The following ANKRD44 variants were observed in gnomAD, a reference collection of about 807,000 sequenced individuals.
ANKRD44 encodes the protein serine/threonine-protein phosphatase 6 regulatory ankyrin repeat subunit B.
Under a neutral mutation model 116.0 loss-of-function variants are expected in ANKRD44, and 35 were observed. The observed-to-expected ratio is 0.30, with a 90% CI of 0.23 to 0.40. The LOEUF is 0.40. Ranked by LOEUF, ANKRD44 falls within the 10% of genes least tolerant of loss-of-function variation. The pLI is 1.00. For synonymous variants in ANKRD44, 435 were observed against 461.8 expected, an observed-to-expected ratio of 0.94 and a Z score of 0.74; for missense variants, 1,014 against 1,242.6, an observed-to-expected ratio of 0.82 and a Z score of 2.77.
At chr2:197,099,427 G>T in intron 10 of ANKRD44, 1 of 756,220 alleles carries the variant, frequency 1.3e-6, no homozygotes, top group Non-Finnish European at 1.6e-6. Flanking sequence ...TGACTCAATT[G>T]TACTCTATAA....
At chr2:197,292,687 G>C (rs937930867) in intron 1 of ANKRD44, among the ~76,000 whole-genome samples, 1 of 152,164 alleles carries the variant, frequency 6.6e-6, no homozygotes, top group African/African-American at 2.4e-5. Context: ...GATAAAAAAT[G>C]TTGCCATGAG....
At chr2:197,006,420 G>A (rs1268995971) in intron 20 of ANKRD44, among the ~76,000 whole-genome samples, 1 of 152,154 alleles carries the variant, frequency 6.6e-6, no homozygotes, top group Non-Finnish European at 1.5e-5. Flanking sequence ...ACTACGGCCT[G>A]GGCGACAGAG....
intron 1 of ANKRD44, among the ~76,000 whole-genome samples, chr2:197,209,877 T>C (rs1472122024): frequency 6.6e-6 from 1 of 152,182 alleles, no homozygotes; most frequent in East Asian, 1.9e-4. Context: ...GGGTTTAGCC[T>C]AACAGGGAGT....
intron 1 of ANKRD44, among the ~76,000 whole-genome samples, chr2:197,188,961 G>T (rs561231503): frequency 6.6e-6 from 1 of 152,274 alleles, no homozygotes; most frequent in African/African-American, 2.4e-5. Context: ...CTTAGGAACT[G>T]GTGGCAAGCA....
rs550725662 is a variant in ANKRD44, at chr2:196,979,358, A to T, written c.2369-11912T>A. On this transcript the variant is annotated intron_variant, in intron 21 of 21. Coordinates refer to the ANKRD44 transcript ENST00000424317. ...AGATCGCGCCACTGCACTCCAGCCTAGGCGACAGAGCGAGACTCCGTCTCA... is the reference window on the plus strand; with the variant it reads ...AGATCGCGCCACTGCACTCCAGCCTTGGCGACAGAGCGAGACTCCGTCTCA... 3.4e-4 allele frequency among the ~76,000 whole-genome samples: 45 copies of T among 133,488 alleles called. No homozygotes were observed. The East Asian group carries it at 9.9e-3, about 29-fold the overall frequency. 87.6% of individuals were successfully genotyped at this position (133,488 alleles called of 152,430 possible).
At position 197,247,959 on chromosome 2, in the gene ANKRD44, G is replaced by A. The variant is rs945411390; in HGVS notation, c.28-60853C>T. Reference sequence around the variant, plus strand: ...CTTAAAGACACTCACTCCAACAAGTGTGTGCAGCAACTAATCACTAGGGAC... The same window carrying A: ...CTTAAAGACACTCACTCCAACAAGTATGTGCAGCAACTAATCACTAGGGAC... On this transcript the variant is annotated intron_variant, in intron 1 of 27. Transcript: ENST00000282272. Among the ~76,000 whole-genome samples the A allele has an allele frequency of 7.9e-5, 12 of 152,278 alleles. No individual in the cohort carries two copies. The Middle Eastern group carries it at 0.01, about 129-fold the overall frequency.
chr2:197,023,716 C>T (rs1363373576), intron 17 of ANKRD44, among the ~76,000 whole-genome samples: 1 of 152,168 alleles, frequency 6.6e-6, no homozygotes, highest in African/African-American at 2.4e-5. Context: ...ACATAAGACT[C>T]TCTAGGGGCA....
chr2:197,121,572 T>C (rs763054228), intron 7 of ANKRD44, 28 bp from the exon 8 acceptor site: 1 of 1,595,188 alleles, frequency 6.3e-7, no homozygotes, highest in Non-Finnish European at 8.6e-7. Flanking sequence ...ACAGGGTGAT[T>C]AAAGTCATTA....
rs747396922 is a variant in ANKRD44, at chr2:197,110,784, G to A, written c.967C>T (p.Gln323Ter). The change falls in exon 9 of 28, where the codon CAG becomes TAG. Residue 323 changes from glutamine (Q) to a stop codon, truncating the protein, a stop_gained. Coordinates refer to ENST00000282272, the MANE Select transcript of ANKRD44 (RefSeq NM_001195144.2). LOFTEE classifies it high-confidence loss of function. ...TAVHGRFTRS[Q>*]TLIQNGGEID... ...CTCTTACCATTCTGAATGAGGGTCT[G>A]TGACCGTGTGAACCTTCCATGGACA... 1 of 1,613,826 alleles carries A rather than the reference G, an allele frequency of 6.2e-7. No homozygotes were observed. The highest frequency in any genetic ancestry group is 8.5e-7 in the Non-Finnish European group (1 of 1,179,728).
Position 197,201,589 on chromosome 2 carries a change from G to A in ANKRD44, c.28-14483C>T, listed in dbSNP as rs1023808431. ...ATGATGTGGAGACCCTGTTAGTGTC[G>A]TCGCATGTTAAATCTAGATTTGGGA... On this transcript the variant is annotated intron_variant, in intron 1 of 27. Transcript: ENST00000282272. The surrounding 1 kb of genome is among the most constrained non-coding windows in gnomAD (Gnocchi z 4.0). Among the ~76,000 whole-genome samples the A allele has an allele frequency of 6.6e-6, 1 of 152,150 alleles. No homozygotes were observed.
At position 197,252,474 on chromosome 2, in the gene ANKRD44, T is replaced by G. The variant is rs1053295859; in HGVS notation, c.27+58104A>C. The stretch of plus-strand genomic sequence containing the variant: ...CAGGCTGGAGCGCAGTAGCGCGATC[T>G]CGGCTCACTGCAAGCTCCGCCTCCC... On this transcript the variant is annotated intron_variant, in intron 1 of 27. Coordinates refer to ENST00000282272, the MANE Select transcript of ANKRD44 (RefSeq NM_001195144.2). Among the ~76,000 whole-genome samples the G allele has an allele frequency of 3.3e-5, 5 of 152,250 alleles. No individual in the cohort carries two copies. The East Asian group carries it at 9.7e-4, about 29-fold the overall frequency.
At chr2:196,982,108 T>TTTTATATATATATATATATATA (rs150861089), downstream of ANKRD44, among the ~76,000 whole-genome samples, 6,174 of 96,058 alleles carry the variant, frequency 0.064, 682 homozygotes, top group Non-Finnish European at 0.084. Context: ...CTAAAAAAAA[T>TTTTATATATATATATATATATA]TATATATATA....
Position 197,065,532 on chromosome 2 carries a change from A to G in ANKRD44, c.1650+13171T>C, listed in dbSNP as rs189972502. Among the ~76,000 whole-genome samples the G allele has an allele frequency of 7.0e-4, 106 of 152,352 alleles. 4 individuals carry two copies. The East Asian group carries it at 0.018, about 27-fold the overall frequency. On this transcript the variant is annotated intron_variant, in intron 16 of 27. Transcript: ENST00000282272. ...CAGGAGCTGGTTTTTTGAAAAGATAACACAATTGATAGACCGCTAGCAAGA... is the reference window on the plus strand; with the variant it reads ...CAGGAGCTGGTTTTTTGAAAAGATAGCACAATTGATAGACCGCTAGCAAGA...
chr2:197,270,834 G>A (rs2082878390), intron 1 of ANKRD44, among the ~76,000 whole-genome samples: 1 of 152,214 alleles, frequency 6.6e-6, no homozygotes, highest in East Asian at 1.9e-4. Context: ...AGCAGACCAA[G>A]GAAGAGTGGC....
rs371774402 is a variant in ANKRD44, at chr2:197,074,846, G to A, written c.1650+3857C>T. Among the ~76,000 whole-genome samples the A allele has an allele frequency of 1.2e-3, 181 of 152,066 alleles. 3 individuals are homozygous for A. The highest frequency in any genetic ancestry group is 4.0e-3 in the African/African-American group (164 of 41,474). On this transcript the variant is annotated intron_variant, in intron 16 of 27. Coordinates refer to ENST00000282272, the MANE Select transcript of ANKRD44 (RefSeq NM_001195144.2). ...GGGTGGTAATGGTTTTCTAAAGTCC[G>A]GTGATAAACACAAGAAACAACCTAA...
At chr2:197,208,661 G>A (rs911306445) in intron 1 of ANKRD44, among the ~76,000 whole-genome samples, 10 of 152,128 alleles carry the variant, frequency 6.6e-5, no homozygotes, top group African/African-American at 2.4e-4. Flanking sequence ...TTAGCCGAGC[G>A]TGGTGGTGGG....
chr2:197,009,824 C>T (rs1351101080), intron 18 of ANKRD44, among the ~76,000 whole-genome samples: 1 of 152,166 alleles, frequency 6.6e-6, no homozygotes, highest in Non-Finnish European at 1.5e-5. Flanking sequence ...TCCCCACCTT[C>T]CTTTTCTAGT....
At chr2:197,103,069 A>C (rs926181841) in intron 9 of ANKRD44, among the ~76,000 whole-genome samples, 2 of 152,052 alleles carry the variant, frequency 1.3e-5, no homozygotes, top group African/African-American at 4.8e-5. Context: ...CTCTACCAAA[A>C]ACACAAAAAA....
chr2:197,044,716 C>T (rs2076970998), intron 16 of ANKRD44, among the ~76,000 whole-genome samples: 1 of 152,122 alleles, frequency 6.6e-6, no homozygotes, highest in African/African-American at 2.4e-5. Flanking sequence ...GATGAATGCC[C>T]TTTTAATTCT....
Sources: gnomAD v4.1 joint callset for allele counts (sites outside exome capture counted in the v4.1 genomes callset) on GRCh38, gnomAD v4.1.1 for gene constraint, Gnocchi (gnomAD v3.1) non-coding constraint, MANE v1.5 for transcripts, NCBI Gene and HGNC (gene_info 2026-07-23, HGNC 2026-07-21) for gene names.